Variants in PRKN observed in about 807,000 individuals in gnomAD.
The protein encoded by PRKN is E3 ubiquitin-protein ligase parkin.
Under a neutral mutation model 59.5 loss-of-function variants are expected in PRKN, and 56 were observed. That is an observed-to-expected ratio of 0.94 (90% CI 0.76 to 1.18). The LOEUF is 1.18. Ranked by LOEUF, PRKN falls within the 50% of genes most tolerant of loss-of-function variation. The pLI, the probability that PRKN is intolerant of heterozygous loss-of-function variation, is 0.00. For synonymous variants in PRKN, 250 were observed against 222.1 expected (o/e 1.13, Z -1.12); for missense variants, 657 against 596.4 (o/e 1.10, Z -1.06).
intron 3 of PRKN, among the ~76,000 whole-genome samples, chr6:162,257,853 G>A (rs1779711198): frequency 6.6e-6 from 1 of 152,086 alleles, no homozygotes; most frequent in African/African-American, 2.4e-5. Context: ...GAGGCTTCCT[G>A]AAGTCAGATC....
At chr6:161,394,199 C>T (rs1261968115) in intron 9 of PRKN, among the ~76,000 whole-genome samples, 1 of 152,172 alleles carries the variant, frequency 6.6e-6, no homozygotes, top group Non-Finnish European at 1.5e-5. Context: ...CTTTCAAGTA[C>T]ACAACATCTT....
At chr6:161,421,663 T>C (rs537887327) in intron 9 of PRKN, among the ~76,000 whole-genome samples, 1 of 149,904 alleles carries the variant, frequency 6.7e-6, no homozygotes, top group African/African-American at 2.5e-5. Flanking sequence ...CTGTTGTATA[T>C]TATTCTAAAG....
intron 2 of PRKN, among the ~76,000 whole-genome samples, chr6:162,399,655 T>C (rs1039957856): frequency 6.6e-6 from 1 of 152,124 alleles, no homozygotes; most frequent in Non-Finnish European, 1.5e-5. Flanking sequence ...AACAGAACTC[T>C]CTGGCAACCT....
chr6:161,859,276 C>T (rs555411071), intron 6 of PRKN, among the ~76,000 whole-genome samples: 3 of 152,124 alleles, frequency 2.0e-5, no homozygotes, highest in East Asian at 1.9e-4. Context: ...GTGCTAATTG[C>T]GTACCTCTCT....
chr6:162,109,267 C>G (rs1780321215), intron 4 of PRKN, among the ~76,000 whole-genome samples: 1 of 152,126 alleles, frequency 6.6e-6, no homozygotes. Context: ...TGACTTCCAC[C>G]TTCTACATCA....
chr6:162,548,939 G>A (rs544739954), intron 1 of PRKN, among the ~76,000 whole-genome samples: 1 of 152,256 alleles, frequency 6.6e-6, no homozygotes, highest in Non-Finnish European at 1.5e-5. Context: ...TCCACAGGAG[G>A]TGGGAATTCT....
At chr6:161,834,445 G>GCTA (rs1361545038) in intron 6 of PRKN, among the ~76,000 whole-genome samples, 1 of 152,108 alleles carries the variant, frequency 6.6e-6, no homozygotes. Context: ...AAAATAGCCT[G>GCTA]CGGTAACTAG....
chr6:161,879,798 T>C (rs1490048501), intron 6 of PRKN, among the ~76,000 whole-genome samples: 2 of 152,240 alleles, frequency 1.3e-5, no homozygotes, highest in Non-Finnish European at 2.9e-5. Context: ...TTCTAATTTT[T>C]ATTTTAGATA....
rs145685734 is a variant in PRKN, at chr6:161,541,175, C to G, written c.1083+7679G>C. On this transcript the variant is annotated intron_variant, in intron 9 of 11. Transcript: ENST00000366898. ...GTGATGAAAATGGGCTATATCTGCA[C>G]TGTTCAATACAGTAGCCACTTGCCA... is the stretch of plus-strand genomic sequence containing the variant. Among the ~76,000 whole-genome samples the G allele has an allele frequency of 4.6e-5, 7 of 152,306 alleles. No individual in the cohort carries two copies. The East Asian group carries it at 1.2e-3, about 25-fold the overall frequency.
intron 5 of PRKN, among the ~76,000 whole-genome samples, chr6:162,053,385 C>T (rs1222549287): frequency 6.6e-6 from 1 of 152,102 alleles, no homozygotes. Context: ...GAAATGTATA[C>T]AGTTAGATTA....
intron 6 of PRKN, among the ~76,000 whole-genome samples, chr6:161,943,323 GC>G (rs1174202371): frequency 1.3e-5 from 2 of 152,188 alleles, no homozygotes; most frequent in African/African-American, 4.8e-5. Flanking sequence ...TTCATCAAAT[GC>G]TATCAATACA....
At chr6:162,079,684 C>G (rs1163736758) in intron 4 of PRKN, among the ~76,000 whole-genome samples, 1 of 152,040 alleles carries the variant, frequency 6.6e-6, no homozygotes, top group East Asian at 1.9e-4. Context: ...CCCCACCTCT[C>G]TCCACCCACC....
chr6:162,153,215 G>C (rs1217217369), intron 4 of PRKN, among the ~76,000 whole-genome samples: 1 of 152,220 alleles, frequency 6.6e-6, no homozygotes, highest in Non-Finnish European at 1.5e-5. Context: ...GTGAGTGCAG[G>C]AACAAGCCTG....
intron 6 of PRKN, among the ~76,000 whole-genome samples, chr6:161,839,494 T>C (rs757692611): frequency 6.6e-6 from 1 of 152,074 alleles, no homozygotes; most frequent in Non-Finnish European, 1.5e-5. Flanking sequence ...CAGCACTGCA[T>C]CCTCGCAGCC....
rs1782430289 is a variant in PRKN, at chr6:161,610,011, A to C, written c.872-40595T>G. On this transcript the variant is annotated intron_variant, in intron 7 of 11. Coordinates refer to ENST00000366898, the MANE Select transcript of PRKN (RefSeq NM_004562.3). ...TCATCATTTGATTCACAAAATAAGC[A>C]AAAAAAATTTTTTGAATGAGGCAAT... Among the ~76,000 whole-genome samples, 3 of 152,294 alleles carry C rather than the reference A, an allele frequency of 2.0e-5. No individual in the cohort carries two copies. The South Asian group carries it at 6.2e-4, about 32-fold the overall frequency.
chr6:162,431,123 G>C (rs188256097), intron 2 of PRKN, among the ~76,000 whole-genome samples: 1 of 150,940 alleles, frequency 6.6e-6, no homozygotes, highest in Non-Finnish European at 1.5e-5. Context: ...TCAGAGCTTT[G>C]TATTTATAGA....
At chr6:161,735,250 G>A (rs2128189666) in intron 7 of PRKN, among the ~76,000 whole-genome samples, 1 of 152,042 alleles carries the variant, frequency 6.6e-6, no homozygotes, top group South Asian at 2.1e-4. Flanking sequence ...TTCCACCTCT[G>A]CCACCCCTGA....
chr6:161,865,969 G>A (rs1278679664), intron 6 of PRKN, among the ~76,000 whole-genome samples: 3 of 152,136 alleles, frequency 2.0e-5, no homozygotes, highest in Non-Finnish European at 4.4e-5. Context: ...TCTAACTTCT[G>A]ATTTGAAGTA....
chr6:162,155,159 C>A (rs564079460), intron 4 of PRKN, among the ~76,000 whole-genome samples: 2 of 151,424 alleles, frequency 1.3e-5, no homozygotes. Context: ...AAATTACTTC[C>A]CATTAGGAGA....
Sources: allele counts gnomAD v4.1 joint callset (sites outside exome capture counted in the v4.1 genomes callset), GRCh38; gene constraint gnomAD v4.1.1; transcripts MANE v1.5; gene names NCBI Gene and HGNC (gene_info 2026-07-23, HGNC 2026-07-21).